The following PLEKHA7 variants were observed in gnomAD, a reference collection of about 807,000 sequenced individuals.
The protein encoded by PLEKHA7 is pleckstrin homology domain-containing family A member 7.
Under a neutral mutation model 170.0 loss-of-function variants are expected in PLEKHA7, and 104 were observed. The ratio of observed to expected loss-of-function variants is 0.61; its 90% CI spans 0.52 to 0.72. The LOEUF is 0.72. PLEKHA7 is among the 30% of genes least tolerant of loss of function. PLEKHA7 has a pLI of 0.00. For missense variants in PLEKHA7, 1,615 were observed against 1,671.7 expected (o/e 0.97, Z 0.59); for synonymous variants, 648 against 660.8 (o/e 0.98, Z 0.30).
chr11:16,923,947 A>G (rs968410580), intron 3 of PLEKHA7, among the ~76,000 whole-genome samples: 1 of 152,140 alleles, frequency 6.6e-6, no homozygotes, highest in Non-Finnish European at 1.5e-5. Flanking sequence ...CAATGCTACC[A>G]GGAAGGCTGA....
At chr11:16,970,226 A>G (rs781735134) in intron 3 of PLEKHA7, among the ~76,000 whole-genome samples, 20 of 152,220 alleles carry the variant, frequency 1.3e-4, no homozygotes, top group Admixed American at 1.1e-3. Context: ...TCACTGGATT[A>G]AAGCAATTCC....
chr11:16,784,768 G>T (rs1212536488), intron 24 of PLEKHA7, among the ~76,000 whole-genome samples: 1 of 152,208 alleles, frequency 6.6e-6, no homozygotes, highest in Non-Finnish European at 1.5e-5. Flanking sequence ...CTTTCACTCT[G>T]TTGGAGATGG....
intron 19 of PLEKHA7, 76 bp downstream of exon 19, chr11:16,794,412 G>C: frequency 6.9e-7 from 1 of 1,443,716 alleles, no homozygotes; most frequent in Non-Finnish European, 9.7e-7. Flanking sequence ...TTTCCCAGGA[G>C]TTTCTCTCCC....
At chr11:16,814,094 G>C (rs1849570535) in intron 12 of PLEKHA7, among the ~76,000 whole-genome samples, 1 of 152,172 alleles carries the variant, frequency 6.6e-6, no homozygotes, top group African/African-American at 2.4e-5. Flanking sequence ...ACGAAGAGTT[G>C]AGGCAGGGCT....
chr11:16,962,679 T>C (rs1862138373), intron 3 of PLEKHA7, among the ~76,000 whole-genome samples: 1 of 152,190 alleles, frequency 6.6e-6, no homozygotes, highest in Admixed American at 6.5e-5. Context: ...CAGGCTGGTC[T>C]TGAACTCCTG....
chr11:16,870,937 T>C (rs1298521829), intron 4 of PLEKHA7, among the ~76,000 whole-genome samples, 162 bp downstream of exon 4: 1 of 152,148 alleles, frequency 6.6e-6, no homozygotes, highest in Admixed American at 6.5e-5. Flanking sequence ...AGTCTGAAGG[T>C]TGAAAAATAA....
intron 4 of PLEKHA7, among the ~76,000 whole-genome samples, chr11:16,869,028 G>A (rs1419829684): frequency 6.6e-6 from 1 of 152,204 alleles, no homozygotes; most frequent in African/African-American, 2.4e-5. Flanking sequence ...AGGCACCTGT[G>A]TCTCCGGGAT....
intron 3 of PLEKHA7, among the ~76,000 whole-genome samples, chr11:16,925,964 C>A (rs1859505996): frequency 6.6e-6 from 1 of 152,256 alleles, no homozygotes. Flanking sequence ...CAGAACTGCG[C>A]TGTTCTGGCG....
chr11:16,821,694 T>G (rs888046570), intron 10 of PLEKHA7, among the ~76,000 whole-genome samples: 10 of 152,114 alleles, frequency 6.6e-5, no homozygotes, highest in African/African-American at 2.4e-4. Flanking sequence ...TATGACTAAC[T>G]GTAAGAGACT....
chr11:16,832,012 C>T (rs1032306637), intron 9 of PLEKHA7, among the ~76,000 whole-genome samples: 2 of 152,196 alleles, frequency 1.3e-5, no homozygotes, highest in East Asian at 1.9e-4. Context: ...AATTGCTAGG[C>T]GGAGTCCTCC....
chr11:16,794,797 C>G (rs555737818), intron 18 of PLEKHA7, 83 bp from the exon 19 acceptor site: 16 of 1,536,066 alleles, frequency 1.0e-5, no homozygotes, highest in Middle Eastern at 1.7e-4. Context: ...TTTAGCACCT[C>G]GAAGACTCAA....
intron 3 of PLEKHA7, among the ~76,000 whole-genome samples, chr11:16,992,417 A>T (rs1299914102): frequency 6.6e-6 from 1 of 152,220 alleles, no homozygotes; most frequent in East Asian, 1.9e-4. Flanking sequence ...TGGGTAAACA[A>T]GAATCATAAT....
At chr11:16,855,621 G>C (rs35515929) in intron 5 of PLEKHA7, 182 bp downstream of exon 5, 7,781 of 599,800 alleles carry the variant, frequency 0.013, 119 homozygotes, top group South Asian at 0.041. Context: ...GCAATCACCT[G>C]TTCTGCTGGA....
chr11:16,974,448 C>A (rs923044588), intron 3 of PLEKHA7, among the ~76,000 whole-genome samples: 1 of 152,092 alleles, frequency 6.6e-6, no homozygotes, highest in Non-Finnish European at 1.5e-5. Context: ...CACAAATTTG[C>A]GTGTCATCCT....
At chr11:16,876,881 C>G (rs929826437) in intron 3 of PLEKHA7, among the ~76,000 whole-genome samples, 4 of 152,050 alleles carry the variant, frequency 2.6e-5, no homozygotes, top group Non-Finnish European at 5.9e-5. Context: ...TTTTTTTTGG[C>G]ATGGCAAGAA....
chr11:16,796,617 C>T (rs1482611640), intron 17 of PLEKHA7, among the ~76,000 whole-genome samples: 1 of 152,112 alleles, frequency 6.6e-6, no homozygotes, highest in African/African-American at 2.4e-5. Context: ...TGTGAGTATA[C>T]TAAAAACCAC....
intron 26 of PLEKHA7, among the ~76,000 whole-genome samples, chr11:16,780,574 G>C (rs1216282401): frequency 3.9e-5 from 6 of 152,192 alleles, no homozygotes; most frequent in Non-Finnish European, 7.4e-5. Flanking sequence ...GAAAGGCCAA[G>C]ATCTAACTCT....
intron 4 of PLEKHA7, among the ~76,000 whole-genome samples, chr11:16,858,608 T>C (rs1046392465): frequency 1.3e-5 from 2 of 151,846 alleles, no homozygotes; most frequent in Admixed American, 6.6e-5. Context: ...TGCTCCTGCC[T>C]CAGCCTACCG....
rs561167914 is a variant in PLEKHA7, at chr11:16,990,716, TAC to T, written c.221+23271_221+23272del. Among the ~76,000 whole-genome samples the T allele has an allele frequency of 2.3e-3, 351 of 152,364 alleles. 2 individuals are homozygous for T. Among genetic ancestry groups the T allele is most frequent in the African/African-American group, 8.1e-3 (338 of 41,576 alleles). ...CCTGGGCATTACCAAATACTCGTAC[TAC>T]CTAAGCACTGTGGCTGTGTACCACA... On this transcript the variant is annotated intron_variant, in intron 3 of 26. Coordinates refer to ENST00000531066, the MANE Select transcript of PLEKHA7 (RefSeq NM_001329630.2).
Sources: allele counts gnomAD v4.1 joint callset (sites outside exome capture counted in the v4.1 genomes callset), GRCh38; gene constraint gnomAD v4.1.1; transcripts MANE v1.5; gene names NCBI Gene and HGNC (gene_info 2026-07-23, HGNC 2026-07-21).